Variants in TBCK observed in about 807,000 individuals in gnomAD.
The protein encoded by TBCK is TBC1 domain containing kinase, also known as TBC domain-containing protein kinase-like protein.
Under a neutral mutation model 113.4 loss-of-function variants are expected in TBCK, and 99 were observed. The observed-to-expected ratio is 0.87, with a 90% CI of 0.74 to 1.03. TBCK has a LOEUF of 1.03. Among genes scored for constraint, TBCK ranks in the 50% least tolerant of loss-of-function variants. The pLI is 0.00. For synonymous variants in TBCK, 369 were observed against 370.8 expected (o/e 1.00, Z 0.05); for missense variants, 1,045 against 1,061.3 (o/e 0.98, Z 0.21).
chr4:106,077,305 A>T (rs956876320), intron 25 of TBCK, among the ~76,000 whole-genome samples: 6 of 152,228 alleles, frequency 3.9e-5, no homozygotes, highest in African/African-American at 1.4e-4. Flanking sequence ...TGATAAGACC[A>T]AATCCTCACA....
chr4:106,276,960 T>A (rs1410340142), intron 3 of TBCK, among the ~76,000 whole-genome samples: 2 of 151,924 alleles, frequency 1.3e-5, no homozygotes, highest in African/African-American at 4.8e-5. Context: ...TCTAACAATA[T>A]GTATGTAGAA....
rs546837224 is a variant in TBCK, at chr4:106,070,898, C to A, written c.2572-24218G>T. The stretch of plus-strand genomic sequence containing the variant: ...AGGATGTATGTGTCCAGGAATTTAT[C>A]CATTTCTTCTAGATTTTCTAGTTTA... On this transcript the variant is annotated intron_variant, in intron 25 of 25. Transcript: ENST00000394708. 3.9e-5 allele frequency among the ~76,000 whole-genome samples: 6 copies of A among 152,138 alleles called. No individual in the cohort carries two copies. The East Asian group carries it at 1.2e-3, about 29-fold the overall frequency.
chr4:106,153,664 G>T (rs1207788341), intron 23 of TBCK, among the ~76,000 whole-genome samples: 1 of 152,114 alleles, frequency 6.6e-6, no homozygotes, highest in Non-Finnish European at 1.5e-5. Flanking sequence ...AAACAAGAGT[G>T]TTGAAGTCTC....
intron 20 of TBCK, among the ~76,000 whole-genome samples, chr4:106,195,853 A>T (rs1326567214): frequency 6.6e-6 from 1 of 151,886 alleles, no homozygotes; most frequent in Non-Finnish European, 1.5e-5. Flanking sequence ...AGCCTCCATA[A>T]ATGTGTGAGC....
In TBCK at chr4:106,222,160, A is replaced by G. The variant is rs185480351; in HGVS notation, c.1774+8203T>C. ...AGTGAAGTTTATTATATTACAGTAT[A>G]AAATCTATCTAATATAAATTTTCTT... is the stretch of plus-strand genomic sequence containing the variant. On this transcript the variant is annotated intron_variant, in intron 19 of 25. Coordinates refer to ENST00000394708, the MANE Select transcript of TBCK (RefSeq NM_001163435.3). 3.3e-3 allele frequency among the ~76,000 whole-genome samples: 505 copies of G among 151,532 alleles called. 2 individuals are homozygous for G. The highest frequency in any genetic ancestry group is 5.1e-3 in the Non-Finnish European group (346 of 67,988).
chr4:106,234,443 G>A (rs1759225785), intron 15 of TBCK, among the ~76,000 whole-genome samples: 2 of 151,998 alleles, frequency 1.3e-5, no homozygotes, highest in African/African-American at 4.8e-5. Flanking sequence ...AATAGTTGAG[G>A]ATTTCTAAAA....
intron 2 of TBCK, among the ~76,000 whole-genome samples, chr4:106,296,890 T>G (rs1021963120): frequency 1.3e-5 from 2 of 152,090 alleles, no homozygotes; most frequent in Non-Finnish European, 2.9e-5. Context: ...AGTTACTTAC[T>G]TAACAAAGAA....
At position 106,139,115 on chromosome 4, in the gene TBCK, CTTGTCACT is replaced by C; in HGVS notation, c.2236-22745_2236-22738del. Among the ~76,000 whole-genome samples, 3 of 140,454 alleles carry C rather than the reference CTTGTCACT, an allele frequency of 2.1e-5. 1 individual carries two copies. The highest frequency in any genetic ancestry group is 3.5e-3 in the Middle Eastern group (1 of 282). 92.1% of individuals were successfully genotyped at this position (140,454 alleles called of 152,430 possible). On this transcript the variant is annotated intron_variant, in intron 23 of 25. Transcript: ENST00000394708. ...TGCTAGCATTTTTGCTCTGGTCCTC[CTTGTCACT>C]TGGAATATTCTCCTTGCCCCCACAT... is the stretch of plus-strand genomic sequence containing the variant.
At chr4:106,067,337 G>C (rs944737500) in intron 25 of TBCK, among the ~76,000 whole-genome samples, 5 of 152,030 alleles carry the variant, frequency 3.3e-5, no homozygotes, top group Non-Finnish European at 4.4e-5. Flanking sequence ...GTCTGTTGTT[G>C]AGCTGTAGGA....
In TBCK at chr4:106,116,473, C is replaced by T. The variant is rs78488187; in HGVS notation, c.2236-95G>A. On this transcript the variant is annotated intron_variant, in intron 23 of 25. Coordinates refer to ENST00000394708, the MANE Select transcript of TBCK (RefSeq NM_001163435.3). ...AATATCTTGATACCAAACAATACAG[C>T]ATATAAGAGAAGAGGAAACTATCTA... 236,466 of 986,236 alleles carry T rather than the reference C, an allele frequency of 0.24. 30,098 individuals are homozygous for T. Among genetic ancestry groups the T allele is most frequent in the South Asian group, 0.28 (16,555 of 59,454 alleles). The allele number at this position is 986,236 out of a possible 1,614,324, so 61.1% of individuals were successfully genotyped here. A position where few individuals can be genotyped will look rare whatever the true frequency, so the allele number is the denominator to read the frequency against.
Position 106,136,553 on chromosome 4 carries a change from T to A in TBCK, c.2236-20175A>T, listed in dbSNP as rs74936399. 4.2e-5 allele frequency among the ~76,000 whole-genome samples: 6 copies of A among 141,782 alleles called. 1 individual carries two copies. The highest frequency in any genetic ancestry group is 1.5e-4 in the African/African-American group (6 of 40,102). 93.0% of individuals were successfully genotyped at this position (141,782 alleles called of 152,430 possible). On this transcript the variant is annotated intron_variant, in intron 23 of 25. Coordinates refer to ENST00000394708, the MANE Select transcript of TBCK (RefSeq NM_001163435.3). ...TGGGAAGGTACTTCGATTCTATTTC[T>A]AAGGCACTGGTTCTACCTTTAGGAG...
At chr4:106,283,633 A>AT (rs1764835029) in intron 3 of TBCK, among the ~76,000 whole-genome samples, 1 of 152,160 alleles carries the variant, frequency 6.6e-6, no homozygotes, top group Admixed American at 6.5e-5. Flanking sequence ...ATTTAGGCAC[A>AT]TTGGAAATAA....
Position 106,235,330 on chromosome 4 carries a change from G to T in TBCK, c.1388C>A (p.Ala463Glu). 6.2e-7 allele frequency: 1 copy of T among 1,610,346 alleles called. No individual in the cohort carries two copies. Among genetic ancestry groups the T allele is most frequent in the Non-Finnish European group, 8.5e-7 (1 of 1,178,324 alleles). ...CATAAGAGGAGGAATGTCAACTCTT[G>T]CTTCTTTCCAGATTTGGTTTTTTTT... ...PYKKNQIWKE[A>E]RVDIPPLMRG... Residue 463 changes from alanine to glutamate, a missense_variant, in exon 15 of 26, where the codon GCA becomes GAA. Transcript: ENST00000394708.
At chr4:106,055,750 T>C (rs1487002457) in intron 25 of TBCK, among the ~76,000 whole-genome samples, 1 of 151,620 alleles carries the variant, frequency 6.6e-6, no homozygotes, top group Non-Finnish European at 1.5e-5. Flanking sequence ...ATTTTTATGG[T>C]TTCTTGAAAC....
At chr4:106,281,535 A>G (rs1388571198) in intron 3 of TBCK, among the ~76,000 whole-genome samples, 1 of 152,052 alleles carries the variant, frequency 6.6e-6, no homozygotes, top group Non-Finnish European at 1.5e-5. Flanking sequence ...CCCCTTCAGT[A>G]TAATGCTATT....
chr4:106,125,868 A>G (rs1745147957), intron 23 of TBCK, among the ~76,000 whole-genome samples: 1 of 152,206 alleles, frequency 6.6e-6, no homozygotes, highest in Non-Finnish European at 1.5e-5. Flanking sequence ...AGTTAACAAT[A>G]ATTTATTGTG....
At chr4:106,189,326 G>A (rs1442826074) in intron 22 of TBCK, among the ~76,000 whole-genome samples, 1 of 145,282 alleles carries the variant, frequency 6.9e-6, no homozygotes, top group Non-Finnish European at 1.5e-5. Flanking sequence ...CTGGGTGACA[G>A]AGTGAGACTC....
chr4:106,241,907 A>G (rs892439579), intron 12 of TBCK, among the ~76,000 whole-genome samples: 2 of 151,976 alleles, frequency 1.3e-5, no homozygotes, highest in African/African-American at 2.4e-5. Flanking sequence ...TTAGAATTCT[A>G]TTCAATAAAA....
intron 10 of TBCK, among the ~76,000 whole-genome samples, chr4:106,245,241 C>G (rs1189439043): frequency 2.0e-5 from 3 of 152,110 alleles, no homozygotes; most frequent in African/African-American, 7.2e-5. Context: ...AAGGTTCTCA[C>G]AGTAAATATT....
Sources: gnomAD v4.1 joint callset for allele counts (sites outside exome capture counted in the v4.1 genomes callset) on GRCh38, gnomAD v4.1.1 for gene constraint, MANE v1.5 for transcripts, NCBI Gene and HGNC (gene_info 2026-07-23, HGNC 2026-07-21) for gene names.